PMM2: variants seen among roughly 807,000 people sequenced by gnomAD.
PMM2 encodes the protein phosphomannomutase 2.
PMM2 carries 35 observed loss-of-function variants against 33.2 expected under a neutral mutation model. The observed-to-expected ratio is 1.06, with a 90% CI of 0.81 to 1.40. The LOEUF (loss-of-function observed/expected upper bound fraction) is 1.40, where lower values mean the gene tolerates loss of function less well. Ranked by LOEUF, PMM2 falls within the 40% of genes most tolerant of loss-of-function variation. The probability of loss-of-function intolerance (pLI) is 0.00; values close to 1 mark genes in which losing one functional copy is unlikely to be tolerated. For synonymous variants in PMM2, 153 were observed against 114.7 expected, an observed-to-expected ratio of 1.33 and a Z score of -2.13; for missense variants, 386 against 306.0, an observed-to-expected ratio of 1.26 and a Z score of -1.95.
At chr16:8,823,967 T>A (rs1043866889) in intron 7 of PMM2, among the ~76,000 whole-genome samples, 1 of 152,236 alleles carries the variant, frequency 6.6e-6, no homozygotes, top group South Asian at 2.1e-4. Context: ...GCATCTCTAA[T>A]TGTATCCTAT....
intron 7 of PMM2, among the ~76,000 whole-genome samples, chr16:8,841,476 T>C (rs1457456420): frequency 8.3e-6 from 1 of 120,488 alleles, no homozygotes; most frequent in Non-Finnish European, 1.9e-5. Context: ...TCAAGCTTGA[T>C]GTGTAGGGAA....
intron 7 of PMM2, among the ~76,000 whole-genome samples, chr16:8,819,822 G>A (rs1328268972): frequency 1.3e-5 from 2 of 152,146 alleles, no homozygotes; most frequent in African/African-American, 4.8e-5. Flanking sequence ...CATGCTCCCA[G>A]GGGAGACAGC....
At chr16:8,845,102 G>C (rs866779064) in intron 7 of PMM2, among the ~76,000 whole-genome samples, 16 of 152,348 alleles carry the variant, frequency 1.1e-4, no homozygotes, top group Admixed American at 1.3e-4. Flanking sequence ...TCACCTGGGT[G>C]CAGGCGGGCT....
chr16:8,832,661 C>T (rs899336875), intron 7 of PMM2: 16 of 985,294 alleles, frequency 1.6e-5, no homozygotes, highest in African/African-American at 1.4e-4. Flanking sequence ...CCTTCAATTG[C>T]GTCCTCACCC....
At chr16:8,828,638 G>A (rs572734970) in intron 7 of PMM2, among the ~76,000 whole-genome samples, 9 of 152,226 alleles carry the variant, frequency 5.9e-5, no homozygotes, top group East Asian at 1.9e-4. Flanking sequence ...TTTTCAGGAC[G>A]TAAAACAAGA....
At chr16:8,815,946 A>G (rs935706614) in intron 7 of PMM2, among the ~76,000 whole-genome samples, 7 of 152,064 alleles carry the variant, frequency 4.6e-5, no homozygotes, top group African/African-American at 1.7e-4. Context: ...AGAAACTCCA[A>G]CAACTCAATG....
At chr16:8,803,168 AAT>A (rs2060625754) in intron 2 of PMM2, among the ~76,000 whole-genome samples, 1 of 152,202 alleles carries the variant, frequency 6.6e-6, no homozygotes, top group Admixed American at 6.5e-5. Context: ...TCAAAGATGT[AAT>A]ATGTTACAGT....
intron 7 of PMM2, among the ~76,000 whole-genome samples, chr16:8,816,979 T>C (rs1290876152): frequency 6.6e-6 from 1 of 152,196 alleles, no homozygotes; most frequent in Admixed American, 6.5e-5. Flanking sequence ...AGACAGGGTC[T>C]TGCTGTGTTG....
intron 7 of PMM2, among the ~76,000 whole-genome samples, chr16:8,842,889 T>TA (rs2060899133): frequency 6.6e-6 from 1 of 152,014 alleles, no homozygotes; most frequent in Non-Finnish European, 1.5e-5. Context: ...GTAATGGGCA[T>TA]GTGATCAGTT....
chr16:8,801,778 A>G, intron 1 of PMM2, 21 bp from the exon 2 acceptor site: 1 of 1,475,964 alleles, frequency 6.8e-7, no homozygotes, highest in Non-Finnish European at 9.4e-7. Flanking sequence ...TGACTGTTGT[A>G]TTTTCTTTCT....
chr16:8,839,036 TAGAC>T (rs770427720), intron 7 of PMM2, among the ~76,000 whole-genome samples: 40 of 152,114 alleles, frequency 2.6e-4, no homozygotes, highest in Non-Finnish European at 4.1e-4. Context: ...GAGAAGTCAT[TAGAC>T]AGGCTACGGA....
At chr16:8,838,106 T>A (rs183291551) in intron 7 of PMM2, among the ~76,000 whole-genome samples, 171 of 152,170 alleles carry the variant, frequency 1.1e-3, no homozygotes, top group African/African-American at 3.9e-3. Flanking sequence ...TTAGTTCTTA[T>A]GGGTTTTGGG....
At chr16:8,821,179 C>T (rs996426780) in intron 7 of PMM2, among the ~76,000 whole-genome samples, 3 of 152,152 alleles carry the variant, frequency 2.0e-5, no homozygotes, top group African/African-American at 7.2e-5. Context: ...ATGTGAGTCC[C>T]TCACTCCTGG....
At chr16:8,837,096 T>G (rs8182177) in intron 7 of PMM2, among the ~76,000 whole-genome samples, 98,800 of 151,424 alleles carry the variant, frequency 0.65, 32,597 homozygotes, top group Middle Eastern at 0.74. Flanking sequence ...AGAAAAGGAA[T>G]ATTAGAAAGA....
chr16:8,809,320 G>A (rs1197168299), intron 4 of PMM2: 1 of 152,224 alleles, frequency 6.6e-6, no homozygotes, highest in Non-Finnish European at 1.5e-5. Context: ...GTTTAGAACT[G>A]GAAGACACTT....
intron 4 of PMM2, 28 bp downstream of exon 4, chr16:8,806,435 C>A: frequency 7.3e-7 from 1 of 1,369,946 alleles, no homozygotes; most frequent in Non-Finnish European, 1.0e-6. Context: ...AAAGAGGCGT[C>A]ACAGGAACAT....
chr16:8,827,480 C>A (rs1173411824), intron 7 of PMM2, among the ~76,000 whole-genome samples: 1 of 150,616 alleles, frequency 6.6e-6, no homozygotes, highest in African/African-American at 2.4e-5. Flanking sequence ...ACTGCAGCCT[C>A]TGCCTCCCGG....
chr16:8,802,305 A>T (rs1220650270), intron 2 of PMM2: 2 of 455,732 alleles, frequency 4.4e-6, no homozygotes, highest in Non-Finnish European at 8.8e-6. Context: ...CCAGCACAGG[A>T]CCCCGAAAAA....
At chr16:8,811,770 G>T (rs2060679308) in intron 6 of PMM2, 57 bp downstream of exon 6, 17 of 1,142,326 alleles carry the variant, frequency 1.5e-5, no homozygotes, top group Non-Finnish European at 8.0e-6. Flanking sequence ...AGAGTTTGTT[G>T]TGGGCCAGTG....
Sources: allele counts gnomAD v4.1 joint callset (sites outside exome capture counted in the v4.1 genomes callset), GRCh38; gene constraint gnomAD v4.1.1; transcripts MANE v1.5; gene names NCBI Gene and HGNC (gene_info 2026-07-23, HGNC 2026-07-21).